Variants in ABL2 observed in about 807,000 individuals in gnomAD.
ABL2 encodes tyrosine-protein kinase ABL2.
A neutral mutation model predicts 107.7 loss-of-function variants in ABL2; 49 were observed. The ratio of observed to expected loss-of-function variants is 0.45; its 90% confidence interval spans 0.36 to 0.58. The LOEUF (loss-of-function observed/expected upper bound fraction) is 0.58, where lower values mean the gene tolerates loss of function less well. Ranked by LOEUF, ABL2 falls within the 20% of genes least tolerant of loss-of-function variation. The probability of loss-of-function intolerance (pLI) is 0.00; values close to 1 mark genes in which losing one functional copy is unlikely to be tolerated. For missense variants in ABL2, 1,245 were observed against 1,457.0 expected, an observed-to-expected ratio of 0.85 and a Z score of 2.37; for synonymous variants, 549 against 548.6, an observed-to-expected ratio of 1.00 and a Z score of -0.01.
At chr1:179,142,995 T>C (rs1657727794) in intron 1 of ABL2, 1 of 1,614,118 alleles carries the variant, frequency 6.2e-7, no homozygotes, top group South Asian at 1.1e-5. Context: ...TGAAGTGTCC[T>C]GATCTCTGCC....
At chr1:179,114,666 G>T (rs1654445118) in intron 9 of ABL2, among the ~76,000 whole-genome samples, 1 of 151,926 alleles carries the variant, frequency 6.6e-6, no homozygotes, top group Non-Finnish European at 1.5e-5. Flanking sequence ...GAGAAACTGG[G>T]TCAATATTTG....
chr1:179,148,819 G>C (rs1658183814), intron 1 of ABL2, among the ~76,000 whole-genome samples: 1 of 150,222 alleles, frequency 6.7e-6, no homozygotes, highest in Non-Finnish European at 1.5e-5. Flanking sequence ...AGAATTGCTT[G>C]AACCTGGGAG....
chr1:179,190,385 A>G (rs539875724), intron 1 of ABL2, among the ~76,000 whole-genome samples: 3 of 152,314 alleles, frequency 2.0e-5, no homozygotes, highest in Admixed American at 2.0e-4. Context: ...AACCAAATAA[A>G]AAGATACACA....
rs1004578749 is a variant in ABL2, at chr1:179,126,196, C to T, written c.687+181G>A. Among the ~76,000 whole-genome samples the T allele has an allele frequency of 6.6e-6, 1 of 152,150 alleles. No individual in the cohort carries two copies. The highest frequency in any genetic ancestry group is 2.4e-5 in the African/African-American group (1 of 41,444). ...AATATAATACTGTTTTTAAAAATTTCTATTACCATATCCTTTTCAAGAGTA... is the reference window on the plus strand; with the variant it reads ...AATATAATACTGTTTTTAAAAATTTTTATTACCATATCCTTTTCAAGAGTA... On this transcript the variant is annotated intron_variant, in intron 4 of 11. Coordinates refer to ENST00000502732, the MANE Select transcript of ABL2 (RefSeq NM_007314.4). The surrounding 1 kb of genome is among the most constrained non-coding windows in gnomAD (Gnocchi z 4.4).
chr1:179,212,296 T>C (rs968094736), intron 1 of ABL2, among the ~76,000 whole-genome samples: 3 of 152,150 alleles, frequency 2.0e-5, no homozygotes, highest in African/African-American at 7.2e-5. Flanking sequence ...AACCACATCA[T>C]CCTACTTGCT....
chr1:179,222,997 C>T (rs945205211), intron 1 of ABL2, among the ~76,000 whole-genome samples: 3 of 150,936 alleles, frequency 2.0e-5, no homozygotes, highest in Middle Eastern at 6.8e-3. Context: ...GTAATCCCAG[C>T]TACTCGGGAG....
chr1:179,110,792 T>C, intron 10 of ABL2: 1 of 1,613,994 alleles, frequency 6.2e-7, no homozygotes, highest in Non-Finnish European at 8.5e-7. Flanking sequence ...CATCCTGCTC[T>C]GTGTCTTTTG....
rs749723765 is a variant in ABL2, at chr1:179,107,787, G to T, written c.3480C>A (p.Pro1160=). The T allele has an allele frequency of 1.2e-6, 2 of 1,614,132 alleles. No homozygotes were observed. Among genetic ancestry groups the T allele is most frequent in the East Asian group, 2.2e-5 (1 of 44,878 alleles). The change falls in exon 12 of 12, where the codon CCC becomes CCA. Residue 1160 remains proline (P), a synonymous_variant. Coordinates refer to ENST00000502732, the MANE Select transcript of ABL2 (RefSeq NM_007314.4). ...LQVSSAAAGV[P]GTNPVLNNLL... ...AGTTATTAAGGACAGGGTTTGTCCC[G>T]GGCACACCAGCAGCTGCTGAAGAAA...
chr1:179,102,458 G>GCTA lies in ABL2; in HGVS notation c.*5257_*5259dup, dbSNP rs535394578. ...AAGCAGGAATTTACAAAGGAAGTGA[G>GCTA]CTACTACTGGCTTGATACAAGCTAA... is the stretch of plus-strand genomic sequence containing the variant. On this transcript the variant is annotated 3_prime_UTR_variant, in exon 12 of 12. Coordinates refer to ENST00000502732, the MANE Select transcript of ABL2 (RefSeq NM_007314.4). 270 of 223,810 alleles carry GCTA rather than the reference G, an allele frequency of 1.2e-3. 8 individuals carry two copies. In the South Asian group the frequency reaches 0.048, roughly 40 times the overall value. The allele number at this position is 223,810 out of a possible 1,614,324, so 13.9% of individuals were successfully genotyped here.
chr1:179,106,361 G>A lies in ABL2; in HGVS notation c.*1357C>T, dbSNP rs559353517. The A allele has an allele frequency of 1.7e-5, 4 of 231,098 alleles. No homozygotes were observed. Among genetic ancestry groups the A allele is most frequent in the Non-Finnish European group, 3.4e-5 (4 of 116,884 alleles). 14.3% of individuals were successfully genotyped at this position (231,098 alleles called of 1,614,324 possible). The stretch of plus-strand genomic sequence containing the variant: ...AGGATTAAGTCATTAGGTTCCCAGG[G>A]TCTACCTGGTGCTCCCTGAAAATGA... On this transcript the variant is annotated 3_prime_UTR_variant, in exon 12 of 12. Transcript: ENST00000502732.
chr1:179,179,321 T>C (rs984244745), intron 1 of ABL2, among the ~76,000 whole-genome samples: 4 of 152,186 alleles, frequency 2.6e-5, no homozygotes, highest in Admixed American at 2.6e-4. Context: ...ATTGGAATAC[T>C]GATTATTTCA....
At chr1:179,140,875 G>T (rs1192821232) in intron 1 of ABL2, among the ~76,000 whole-genome samples, 2 of 152,072 alleles carry the variant, frequency 1.3e-5, no homozygotes, top group Admixed American at 6.6e-5. Context: ...CAGGTGTGGT[G>T]GCTAGCGTCT....
intron 1 of ABL2, among the ~76,000 whole-genome samples, chr1:179,186,936 C>A (rs1660711250): frequency 6.6e-6 from 1 of 152,008 alleles, no homozygotes; most frequent in Admixed American, 6.6e-5. Flanking sequence ...GGGGTTATGT[C>A]ATGTTGGCCA....
In ABL2 at chr1:179,106,690, G is replaced by A. The variant is rs28913896; in HGVS notation, c.*1028C>T. ...CCTCTCAGTCACATACAGGCCACTG[G>A]GTTTCAAGAAAAGACCATCTCCCTG... On this transcript the variant is annotated 3_prime_UTR_variant, in exon 12 of 12. Coordinates refer to ENST00000502732, the MANE Select transcript of ABL2 (RefSeq NM_007314.4). 4.3e-3 allele frequency: 1,002 copies of A among 232,100 alleles called. 4 individuals carry two copies. The highest frequency in any genetic ancestry group is 5.7e-3 in the Non-Finnish European group (668 of 117,412). 14.4% of individuals were successfully genotyped at this position (232,100 alleles called of 1,614,324 possible).
intron 3 of ABL2, among the ~76,000 whole-genome samples, chr1:179,127,205 C>T (rs570668060): frequency 2.5e-4 from 38 of 151,872 alleles, no homozygotes; most frequent in Non-Finnish European, 4.6e-4. Flanking sequence ...AAAAAATGAA[C>T]AAACAAAAAA....
intron 1 of ABL2, among the ~76,000 whole-genome samples, chr1:179,172,019 A>C (rs1323396800): frequency 1.3e-5 from 2 of 152,248 alleles, no homozygotes; most frequent in Non-Finnish European, 2.9e-5. Flanking sequence ...TGTATACCAC[A>C]AATAAATACA....
chr1:179,173,591 C>G (rs1659857217), intron 1 of ABL2, among the ~76,000 whole-genome samples: 1 of 152,022 alleles, frequency 6.6e-6, no homozygotes, highest in Non-Finnish European at 1.5e-5. Flanking sequence ...ACCTCGTGAT[C>G]CGCCCACCTT....
chr1:179,117,894 G>C (rs1043253950), intron 7 of ABL2, among the ~76,000 whole-genome samples: 10 of 150,062 alleles, frequency 6.7e-5, no homozygotes, highest in African/African-American at 2.5e-4. Flanking sequence ...CAAGGTGGGT[G>C]TATCTCCTGA....
chr1:179,189,281 A>G (rs1159012367), intron 1 of ABL2, among the ~76,000 whole-genome samples: 1 of 152,026 alleles, frequency 6.6e-6, no homozygotes, highest in Non-Finnish European at 1.5e-5. Context: ...GATTACAGGT[A>G]TGCACCACCA....
Sources: allele counts gnomAD v4.1 joint callset (sites outside exome capture counted in the v4.1 genomes callset), GRCh38; gene constraint gnomAD v4.1.1; non-coding constraint Gnocchi (gnomAD v3.1); transcripts MANE v1.5; gene names NCBI Gene and HGNC (gene_info 2026-07-23, HGNC 2026-07-21).